The following KIF6 variants were observed in gnomAD, a reference collection of about 807,000 sequenced individuals.
KIF6 encodes kinesin family member 6, also known as kinesin-like protein KIF6.
KIF6 carries 106 observed loss-of-function variants against 112.7 expected under a neutral mutation model. The observed-to-expected ratio is 0.94, with a 90% CI of 0.80 to 1.11. The LOEUF (loss-of-function observed/expected upper bound fraction) is 1.11, where lower values mean the gene tolerates loss of function less well. Ranked by LOEUF, KIF6 falls within the 50% of genes least tolerant of loss-of-function variation. The pLI, the probability that KIF6 is intolerant of heterozygous loss-of-function variation, is 0.00. For missense variants in KIF6, 929 were observed against 964.0 expected (o/e 0.96, Z 0.48); for synonymous variants, 339 against 339.9 (o/e 1.00, Z 0.03).
At chr6:39,519,131 G>A (rs9357309) in intron 13 of KIF6, among the ~76,000 whole-genome samples, 1 of 152,054 alleles carries the variant, frequency 6.6e-6, no homozygotes, top group Non-Finnish European at 1.5e-5. Flanking sequence ...AAGTTGGAGT[G>A]GGGGGTACCG....
intron 7 of KIF6, 50 bp downstream of exon 7, chr6:39,596,004 C>T (rs1305868084): frequency 1.4e-6 from 2 of 1,419,694 alleles, no homozygotes; most frequent in Non-Finnish European, 2.0e-6. Context: ...AGTATGTGGT[C>T]AACACATGGT....
intron 14 of KIF6, among the ~76,000 whole-genome samples, chr6:39,423,906 G>T (rs1770568034): frequency 6.6e-6 from 1 of 152,052 alleles, no homozygotes; most frequent in South Asian, 2.1e-4. Context: ...CCCTGCAATC[G>T]CACTGCCTGT....
rs1301624778 is a variant in KIF6 at position 39,378,492 on chromosome 6, T to C, written c.1861+7130A>G. Among the ~76,000 whole-genome samples the C allele has an allele frequency of 1.3e-5, 2 of 151,824 alleles. No individual in the cohort carries two copies. Among genetic ancestry groups the C allele is most frequent in the African/African-American group, 4.8e-5 (2 of 41,338 alleles). ...CGCATATACACAGCACACACGTACA[T>C]ACACAACAGACACACGCATACACAC... On this transcript the variant is annotated intron_variant, in intron 16 of 22. Transcript: ENST00000287152. This position sits in a 1 kb window ranked among gnomAD's most constrained non-coding sequence, Gnocchi z 5.0.
chr6:39,576,942 A>T (rs1206294725), intron 10 of KIF6, among the ~76,000 whole-genome samples: 1 of 152,198 alleles, frequency 6.6e-6, no homozygotes, highest in South Asian at 2.1e-4. Context: ...ATAATTGGTA[A>T]TTCCCTTCTT....
At chr6:39,379,855 G>T (rs893809091) in intron 16 of KIF6, among the ~76,000 whole-genome samples, 2 of 152,228 alleles carry the variant, frequency 1.3e-5, no homozygotes, top group Non-Finnish European at 2.9e-5. Flanking sequence ...CAGGCTACTG[G>T]CCTTGCATCC....
chr6:39,448,181 A>AT (rs796266776), intron 13 of KIF6, among the ~76,000 whole-genome samples: 13 of 150,060 alleles, frequency 8.7e-5, no homozygotes, highest in South Asian at 4.3e-4. Context: ...CATTTTATTA[A>AT]TTTTTTTTTT....
intron 13 of KIF6, among the ~76,000 whole-genome samples, chr6:39,476,583 A>T (rs1774440038): frequency 6.6e-6 from 1 of 152,158 alleles, no homozygotes; most frequent in South Asian, 2.1e-4. Context: ...TGAGGAACCC[A>T]GTGTGAGGGT....
At chr6:39,592,273 A>G (rs1781995423) in intron 7 of KIF6, among the ~76,000 whole-genome samples, 1 of 152,228 alleles carries the variant, frequency 6.6e-6, no homozygotes, top group Non-Finnish European at 1.5e-5. Context: ...AAGTACCTAG[A>G]AACTGTGCTT....
At chr6:39,576,120 A>G (rs2150633166) in intron 10 of KIF6, among the ~76,000 whole-genome samples, 1 of 152,236 alleles carries the variant, frequency 6.6e-6, no homozygotes, top group Admixed American at 6.5e-5. Context: ...ATTCGCAGAA[A>G]CACTGGTACT....
intron 6 of KIF6, among the ~76,000 whole-genome samples, chr6:39,603,445 A>T (rs1782691740): frequency 1.3e-5 from 2 of 152,090 alleles, no homozygotes; most frequent in Admixed American, 6.6e-5. Context: ...AAAAACCTCA[A>T]ATCTCATTGA....
intron 7 of KIF6, among the ~76,000 whole-genome samples, chr6:39,593,387 T>A (rs1256103098): frequency 6.6e-6 from 1 of 152,248 alleles, no homozygotes; most frequent in Admixed American, 6.5e-5. Context: ...CTTCTTTCTG[T>A]GTGAAATTCA....
chr6:39,638,046 T>C (rs1198711788), intron 4 of KIF6, among the ~76,000 whole-genome samples: 2 of 152,090 alleles, frequency 1.3e-5, no homozygotes, highest in Non-Finnish European at 2.9e-5. Context: ...TGGGAGAGGA[T>C]GAGTTTATTC....
chr6:39,682,860 G>A (rs1323903163), intron 3 of KIF6, among the ~76,000 whole-genome samples: 2 of 54,940 alleles, frequency 3.6e-5, no homozygotes, highest in Non-Finnish European at 8.9e-5. Flanking sequence ...TTACAGGCAT[G>A]AGCCACCGCG....
intron 3 of KIF6, among the ~76,000 whole-genome samples, chr6:39,709,897 T>G (rs531446654): frequency 1.5e-4 from 23 of 152,164 alleles, no homozygotes; most frequent in Non-Finnish European, 3.2e-4. Flanking sequence ...TCTTAAAAAT[T>G]TGATTTTCAA....
At chr6:39,585,840 A>G (rs902656237) in intron 8 of KIF6, among the ~76,000 whole-genome samples, 2 of 152,300 alleles carry the variant, frequency 1.3e-5, no homozygotes, top group South Asian at 4.1e-4. Context: ...GCTCCTGCCA[A>G]AGCATCCTGG....
At chr6:39,426,155 G>T (rs1024882093) in intron 14 of KIF6, among the ~76,000 whole-genome samples, 1 of 152,186 alleles carries the variant, frequency 6.6e-6, no homozygotes. Context: ...ACTGGTATTT[G>T]CCAAGCATGG....
rs749927784 is a variant in KIF6 at position 39,634,875 on chromosome 6, A to C, written c.483T>G (p.His161Gln). 6.2e-7 allele frequency: 1 copy of C among 1,609,722 alleles called. No homozygotes were observed. The highest frequency in any genetic ancestry group is 1.1e-5 in the South Asian group (1 of 90,962). Residue 161 changes from histidine (H) to glutamine (Q), a missense_variant, in exon 5 of 23, where the codon CAT becomes CAG. By Grantham distance (24) the His-to-Gln change is conservative (BLOSUM62 0). Coordinates refer to ENST00000287152, the MANE Select transcript of KIF6 (RefSeq NM_145027.6). ...ECGYDLLDPR[H>Q]EASSLEDLPK... is the part of the protein sequence containing the mutation. ...GCAAATCTTCCAAACTGGAGGCTTC[A>C]TGTCTTGGATCCAAAAGATCATAAC...
intron 13 of KIF6, among the ~76,000 whole-genome samples, chr6:39,533,836 C>T (rs1370948057): frequency 1.3e-5 from 2 of 152,206 alleles, no homozygotes; most frequent in Non-Finnish European, 2.9e-5. Flanking sequence ...TGACACCTCA[C>T]ACGGCCGGGT....
At chr6:39,379,725 C>T (rs761336918) in intron 16 of KIF6, among the ~76,000 whole-genome samples, 5 of 152,174 alleles carry the variant, frequency 3.3e-5, no homozygotes, top group Non-Finnish European at 7.3e-5. Context: ...GTCAACTCAT[C>T]CTGGTTAGAT....
Sources: allele counts gnomAD v4.1 joint callset (sites outside exome capture counted in the v4.1 genomes callset), GRCh38; gene constraint gnomAD v4.1.1; non-coding constraint Gnocchi (gnomAD v3.1); transcripts MANE v1.5; gene names NCBI Gene and HGNC (gene_info 2026-07-23, HGNC 2026-07-21).